C12orf54: variants seen among roughly 807,000 people sequenced by gnomAD.
C12orf54 encodes the protein uncharacterized protein C12orf54.
Under a neutral mutation model 26.4 loss-of-function variants are expected in C12orf54, and 24 were observed. The observed-to-expected ratio is 0.91, with a 90% confidence interval of 0.66 to 1.28. C12orf54 has a LOEUF of 1.28. Ranked by LOEUF, C12orf54 falls within the 50% of genes most tolerant of loss-of-function variation. C12orf54 has a pLI of 0.00. For missense variants in C12orf54, 154 were observed against 150.9 expected (o/e 1.02, Z -0.11); for synonymous variants, 54 against 47.0 (o/e 1.15, Z -0.61).
the C12orf54 span, among the ~76,000 whole-genome samples, chr12:48,449,796 G>C: frequency 1.3e-5 from 2 of 151,928 alleles, no homozygotes; most frequent in Admixed American, 6.6e-5. Flanking sequence ...ATATGATTTG[G>C]CTGTGTCCCC....
the C12orf54 span, among the ~76,000 whole-genome samples, chr12:48,416,065 C>G: frequency 1.3e-5 from 2 of 152,144 alleles, no homozygotes; most frequent in Non-Finnish European, 2.9e-5. Context: ...ACTGTACTTC[C>G]AAAACATATT....
the C12orf54 span, among the ~76,000 whole-genome samples, chr12:48,421,686 C>A: frequency 2.6e-5 from 4 of 151,918 alleles, no homozygotes; most frequent in African/African-American, 4.8e-5. Flanking sequence ...CACGCCACCA[C>A]ACCTGGCTAA....
the C12orf54 span, among the ~76,000 whole-genome samples, chr12:48,460,776 G>A: frequency 6.6e-6 from 1 of 151,982 alleles, no homozygotes; most frequent in Non-Finnish European, 1.5e-5. Flanking sequence ...AGCCTCTAAA[G>A]TAACACAGAT....
intron 1 of C12orf54, 120 bp from the exon 2 acceptor site, chr12:48,483,120 G>T: frequency 1.7e-6 from 1 of 596,480 alleles, no homozygotes; most frequent in Non-Finnish European, 3.0e-6. Context: ...ACATGCACAT[G>T]CACACTCACC....
chr12:48,459,302 C>T, the C12orf54 span, among the ~76,000 whole-genome samples: 150 of 152,272 alleles, frequency 9.9e-4, no homozygotes, highest in African/African-American at 3.2e-3. Context: ...CACGGTGAGA[C>T]GGAACTTCTC....
At chr12:48,470,687 T>TG in the C12orf54 span, among the ~76,000 whole-genome samples, 3 of 152,134 alleles carry the variant, frequency 2.0e-5, no homozygotes, top group Non-Finnish European at 2.9e-5. Flanking sequence ...TGGTCCATTT[T>TG]TTTTTGTTTT....
At chr12:48,459,276 G>C in the C12orf54 span, among the ~76,000 whole-genome samples, 1 of 152,144 alleles carries the variant, frequency 6.6e-6, no homozygotes, top group East Asian at 1.9e-4. Context: ...CAATATTCCA[G>C]TCCTCTGTCT....
At chr12:48,453,268 A>G in the C12orf54 span, among the ~76,000 whole-genome samples, 19,284 of 152,000 alleles carry the variant, frequency 0.13, 1,625 homozygotes, top group Non-Finnish European at 0.2. Flanking sequence ...GTTCTCACTT[A>G]TAAGTGGGAG....
chr12:48,445,097 C>T, the C12orf54 span, among the ~76,000 whole-genome samples: 3 of 151,928 alleles, frequency 2.0e-5, no homozygotes, highest in African/African-American at 4.8e-5. Context: ...CGGGTGAACC[C>T]GGGAGGCAGA....
At chr12:48,439,903 TAAAATAAA>T in the C12orf54 span, among the ~76,000 whole-genome samples, 2 of 151,684 alleles carry the variant, frequency 1.3e-5, no homozygotes, top group East Asian at 3.9e-4. Flanking sequence ...ATGATAATAA[TAAAATAAA>T]AAAATAAAAA....
chr12:48,474,546 T>C, the C12orf54 span, among the ~76,000 whole-genome samples: 1 of 152,194 alleles, frequency 6.6e-6, no homozygotes, highest in Non-Finnish European at 1.5e-5. Context: ...CCCACCCTAG[T>C]ACTGCGCTTT....
chr12:48,429,178 A>T, the C12orf54 span, among the ~76,000 whole-genome samples: 2 of 152,182 alleles, frequency 1.3e-5, no homozygotes, highest in Non-Finnish European at 2.9e-5. Flanking sequence ...CAATGTAATA[A>T]AAGCCATCTA....
the C12orf54 span, among the ~76,000 whole-genome samples, chr12:48,434,388 C>T: frequency 6.6e-6 from 1 of 152,144 alleles, no homozygotes; most frequent in Non-Finnish European, 1.5e-5. Flanking sequence ...CTTAAATGTC[C>T]CTGTCTGACA....
chr12:48,415,183 C>G, the C12orf54 span, among the ~76,000 whole-genome samples: 1 of 152,166 alleles, frequency 6.6e-6, no homozygotes, highest in Admixed American at 6.5e-5. Flanking sequence ...TCCATGAACA[C>G]TCAAACTTCA....
At chr12:48,456,293 A>T in the C12orf54 span, among the ~76,000 whole-genome samples, 2 of 152,202 alleles carry the variant, frequency 1.3e-5, no homozygotes, top group East Asian at 3.8e-4. Flanking sequence ...GTAATGCAGT[A>T]TAGTAAGTTA....
chr12:48,483,869 A>G (rs1200091741), intron 2 of C12orf54, among the ~76,000 whole-genome samples: 2 of 152,206 alleles, frequency 1.3e-5, no homozygotes, highest in Non-Finnish European at 2.9e-5. Context: ...GAGCCTTTGA[A>G]CTTGCAGCAG....
At chr12:48,481,833 G>A (rs1169914805), upstream of C12orf54, among the ~76,000 whole-genome samples, 18 of 152,046 alleles carry the variant, frequency 1.2e-4, no homozygotes, top group Non-Finnish European at 2.6e-4. Flanking sequence ...CCCCATGTAG[G>A]CACAGTGCTC....
At chr12:48,439,129 C>G in the C12orf54 span, among the ~76,000 whole-genome samples, 1 of 152,010 alleles carries the variant, frequency 6.6e-6, no homozygotes, top group East Asian at 1.9e-4. Flanking sequence ...TTTATGCAGC[C>G]AAAAAACACA....
intron 8 of C12orf54, chr12:48,495,701 G>A (rs1937897365): frequency 6.6e-6 from 1 of 152,510 alleles, no homozygotes; most frequent in Non-Finnish European, 1.5e-5. Flanking sequence ...ATAGGTGATG[G>A]AGAAAATTGG....
Sources: allele counts gnomAD v4.1 joint callset (sites outside exome capture counted in the v4.1 genomes callset), GRCh38; gene constraint gnomAD v4.1.1; transcripts MANE v1.5; gene names NCBI Gene and HGNC (gene_info 2026-07-23, HGNC 2026-07-21).